Variants in AKAP6 observed in about 807,000 individuals in gnomAD.
The protein encoded by AKAP6 is A-kinase anchoring protein 6.
In AKAP6, 58 loss-of-function variants were observed where a neutral mutation model predicts 188.5. The ratio of observed to expected loss-of-function variants is 0.31; its 90% CI spans 0.25 to 0.38. The LOEUF (loss-of-function observed/expected upper bound fraction) is 0.38. Ranked by LOEUF, AKAP6 falls within the 10% of genes least tolerant of loss-of-function variation. The probability of loss-of-function intolerance (pLI) is 1.00; values close to 1 mark genes in which losing one functional copy is unlikely to be tolerated. For synonymous variants in AKAP6, 989 were observed against 998.6 expected, an observed-to-expected ratio of 0.99 and a Z score of 0.18; for missense variants, 2,710 against 2,740.0, an observed-to-expected ratio of 0.99 and a Z score of 0.24.
intron 7 of AKAP6, among the ~76,000 whole-genome samples, chr14:32,633,898 G>C (rs892581921): frequency 2.6e-5 from 4 of 152,004 alleles, no homozygotes; most frequent in Non-Finnish European, 5.9e-5. Flanking sequence ...AATATCGTTC[G>C]TGTCACAAAT....
intron 7 of AKAP6, among the ~76,000 whole-genome samples, chr14:32,610,068 A>G (rs1886292503): frequency 6.6e-6 from 1 of 152,178 alleles, no homozygotes; most frequent in Non-Finnish European, 1.5e-5. Context: ...CAACGGGCTT[A>G]CTATAGTTTA....
At chr14:32,384,487 A>G (rs1448578511) in intron 1 of AKAP6, among the ~76,000 whole-genome samples, 1 of 152,206 alleles carries the variant, frequency 6.6e-6, no homozygotes, top group Non-Finnish European at 1.5e-5. Flanking sequence ...ATGGCTACCT[A>G]CAAGAAGTCA....
intron 1 of AKAP6, among the ~76,000 whole-genome samples, chr14:32,427,274 T>A (rs892976155): frequency 7.2e-5 from 11 of 152,172 alleles, no homozygotes; most frequent in African/African-American, 2.7e-4. Flanking sequence ...TTACTCTGCG[T>A]GAGTGCTGGA....
intron 8 of AKAP6, among the ~76,000 whole-genome samples, chr14:32,683,887 G>A (rs186829679): frequency 6.6e-6 from 1 of 152,272 alleles, no homozygotes; most frequent in African/African-American, 2.4e-5. Flanking sequence ...CCTGAGCTAA[G>A]ACAACAGCAA....
chr14:32,406,661 T>C (rs1369928380), intron 1 of AKAP6, among the ~76,000 whole-genome samples: 1 of 152,158 alleles, frequency 6.6e-6, no homozygotes, highest in African/African-American at 2.4e-5. Context: ...GTTTTACAAT[T>C]CTCCACAAAC....
chr14:32,374,446 G>A (rs1348803977), intron 1 of AKAP6, among the ~76,000 whole-genome samples: 1 of 152,174 alleles, frequency 6.6e-6, no homozygotes. Flanking sequence ...GATGACAAAG[G>A]CTTAGCCACA....
intron 9 of AKAP6, among the ~76,000 whole-genome samples, chr14:32,707,715 A>G (rs1890869391): frequency 6.6e-6 from 1 of 152,144 alleles, no homozygotes; most frequent in Non-Finnish European, 1.5e-5. Flanking sequence ...AACTCTATTA[A>G]TCAGAACTAT....
intron 4 of AKAP6, among the ~76,000 whole-genome samples, chr14:32,547,222 C>T (rs1175001842): frequency 6.6e-6 from 1 of 152,172 alleles, no homozygotes; most frequent in Non-Finnish European, 1.5e-5. Flanking sequence ...TGTGCTCCTG[C>T]CTGGTATAGA....
At chr14:32,788,024 G>A (rs1225658251) in intron 12 of AKAP6, among the ~76,000 whole-genome samples, 1 of 105,564 alleles carries the variant, frequency 9.5e-6, no homozygotes, top group African/African-American at 3.7e-5. Flanking sequence ...CTGGGCAACA[G>A]AGTGAGACCC....
chr14:32,765,512 G>A (rs866963004), intron 11 of AKAP6, among the ~76,000 whole-genome samples: 18 of 152,090 alleles, frequency 1.2e-4, no homozygotes, highest in Middle Eastern at 3.4e-3. Flanking sequence ...CAGATTCATA[G>A]TCTTCTATGT....
chr14:32,671,281 G>T (rs1300171600), intron 7 of AKAP6, among the ~76,000 whole-genome samples: 1 of 152,140 alleles, frequency 6.6e-6, no homozygotes, highest in Non-Finnish European at 1.5e-5. Flanking sequence ...AAGCAGGCTA[G>T]ACTAGGTTGA....
chr14:32,533,120 G>T (rs1414589349), intron 2 of AKAP6, among the ~76,000 whole-genome samples: 1 of 152,132 alleles, frequency 6.6e-6, no homozygotes, highest in African/African-American at 2.4e-5. Context: ...GAAATCTGAG[G>T]CTACCATGTT....
intron 12 of AKAP6, among the ~76,000 whole-genome samples, chr14:32,787,882 C>T (rs1308538642): frequency 6.6e-6 from 1 of 151,702 alleles, no homozygotes; most frequent in Non-Finnish European, 1.5e-5. Context: ...TATGCCCTCC[C>T]TCCTGTTTCC....
intron 11 of AKAP6, among the ~76,000 whole-genome samples, chr14:32,749,020 A>T (rs60187889): frequency 0.024 from 3,697 of 152,268 alleles, 146 homozygotes; most frequent in African/African-American, 0.084. Flanking sequence ...TATTTTAATG[A>T]CCATATTGAA....
In AKAP6 at chr14:32,545,573, G is replaced by A; in HGVS notation, c.920G>A (p.Cys307Tyr). The A allele has an allele frequency of 6.2e-7, 1 of 1,614,222 alleles. No individual in the cohort carries two copies. The highest frequency in any genetic ancestry group is 8.5e-7 in the Non-Finnish European group (1 of 1,180,040). ...CTCTCAGTAGACGACAAAGGTGGATGTGAGGAAGACAATGCTTCTGCAGTC... is the reference window on the plus strand; with the variant it reads ...CTCTCAGTAGACGACAAAGGTGGATATGAGGAAGACAATGCTTCTGCAGTC... ...VSLSVDDKGG[C>Y]EEDNASAVEE... Residue 307 changes from cysteine to tyrosine, a missense_variant, in exon 4 of 14, where the codon TGT becomes TAT. By Grantham distance (194) the Cys-to-Tyr change is radical. Transcript: ENST00000280979.
At chr14:32,579,206 C>T (rs1363982988) in intron 5 of AKAP6, among the ~76,000 whole-genome samples, 8 of 152,092 alleles carry the variant, frequency 5.3e-5, no homozygotes, top group Non-Finnish European at 2.9e-5. Context: ...GTACCTGCCT[C>T]GTAATGACAT....
intron 4 of AKAP6, among the ~76,000 whole-genome samples, chr14:32,548,549 G>A (rs1310926859): frequency 2.6e-5 from 4 of 151,324 alleles, no homozygotes; most frequent in Non-Finnish European, 5.9e-5. Context: ...TAGATAGATA[G>A]ATAGATAGAT....
At chr14:32,690,139 A>G (rs940277649) in intron 8 of AKAP6, among the ~76,000 whole-genome samples, 3 of 151,264 alleles carry the variant, frequency 2.0e-5, no homozygotes, top group African/African-American at 7.3e-5. Flanking sequence ...AGCCTTAAGT[A>G]GAAAACCTGT....
chr14:32,585,038 T>A (rs1024061131), intron 5 of AKAP6, among the ~76,000 whole-genome samples: 10 of 151,654 alleles, frequency 6.6e-5, no homozygotes, highest in Admixed American at 5.9e-4. Flanking sequence ...ACTAGTTTTT[T>A]TTTTTCCCCT....
Sources: gnomAD v4.1 joint callset for allele counts (sites outside exome capture counted in the v4.1 genomes callset) on GRCh38, gnomAD v4.1.1 for gene constraint, MANE v1.5 for transcripts, NCBI Gene and HGNC (gene_info 2026-07-23, HGNC 2026-07-21) for gene names.